PSD3: variants seen among roughly 807,000 people sequenced by gnomAD.
The protein encoded by PSD3 is pleckstrin and Sec7 domain containing 3, also known as PH and SEC7 domain-containing protein 3.
Under a neutral mutation model 105.5 loss-of-function variants are expected in PSD3, and 49 were observed. The observed-to-expected ratio is 0.46, with a 90% CI of 0.37 to 0.59. The LOEUF is 0.59. Ranked by LOEUF, PSD3 falls within the 20% of genes least tolerant of loss-of-function variation. The pLI is 0.00. For synonymous variants in PSD3, 557 were observed against 457.8 expected (o/e 1.22, Z -2.77); for missense variants, 1,561 against 1,263.8 (o/e 1.24, Z -3.57).
intron 11 of PSD3, among the ~76,000 whole-genome samples, chr8:18,617,161 C>T (rs181365323): frequency 1.3e-5 from 2 of 152,158 alleles, no homozygotes; most frequent in African/African-American, 4.8e-5. Flanking sequence ...ATGACCCCTA[C>T]AGTATAGAAC....
intron 9 of PSD3, among the ~76,000 whole-genome samples, chr8:18,763,237 T>C (rs368902308): frequency 2.0e-5 from 3 of 152,324 alleles, no homozygotes; most frequent in East Asian, 3.9e-4. Context: ...GCTTTTTTAA[T>C]ATTGAATCTA....
intron 10 of PSD3, among the ~76,000 whole-genome samples, chr8:18,649,720 G>A (rs1440519550): frequency 1.3e-5 from 2 of 152,214 alleles, no homozygotes; most frequent in African/African-American, 4.8e-5. Context: ...CCCCACTGTT[G>A]GAGGTGGGAT....
intron 10 of PSD3, among the ~76,000 whole-genome samples, chr8:18,653,860 T>A (rs1808699697): frequency 6.6e-6 from 1 of 152,234 alleles, no homozygotes; most frequent in South Asian, 2.1e-4. Context: ...CAATGTATTC[T>A]CTTGCCCAGA....
chr8:18,601,731 AAG>A (rs1242658352), intron 11 of PSD3, among the ~76,000 whole-genome samples: 1 of 152,254 alleles, frequency 6.6e-6, no homozygotes, highest in African/African-American at 2.4e-5. Flanking sequence ...TAAAGCAAAA[AAG>A]CAACTAAGAT....
chr8:18,586,827 C>T (rs969561373), intron 12 of PSD3, among the ~76,000 whole-genome samples: 1 of 152,050 alleles, frequency 6.6e-6, no homozygotes, highest in Non-Finnish European at 1.5e-5. Flanking sequence ...AACTGGAAGC[C>T]CTTGGACAGG....
At chr8:18,945,003 C>T (rs1268182779) in intron 1 of PSD3, among the ~76,000 whole-genome samples, 2 of 152,162 alleles carry the variant, frequency 1.3e-5, no homozygotes, top group Non-Finnish European at 2.9e-5. Flanking sequence ...AAGACCTCAA[C>T]ACTAGCTGTG....
intron 1 of PSD3, among the ~76,000 whole-genome samples, chr8:19,072,750 G>A (rs1829312340): frequency 6.6e-6 from 1 of 152,178 alleles, no homozygotes; most frequent in Admixed American, 6.5e-5. Context: ...TCAAAGCAGG[G>A]AGGCTCTCCA....
chr8:18,927,835 A>T (rs1404044494), intron 2 of PSD3, among the ~76,000 whole-genome samples: 1 of 152,220 alleles, frequency 6.6e-6, no homozygotes, highest in Non-Finnish European at 1.5e-5. Flanking sequence ...GGTGTATGCC[A>T]GGAAATGGGG....
chr8:18,933,954 T>C (rs1821910735), intron 2 of PSD3, among the ~76,000 whole-genome samples: 1 of 152,212 alleles, frequency 6.6e-6, no homozygotes, highest in African/African-American at 2.4e-5. Context: ...AAACACATTC[T>C]CCTCTAAATT....
intron 2 of PSD3, among the ~76,000 whole-genome samples, chr8:18,888,576 T>C (rs549966999): frequency 1.3e-5 from 2 of 152,246 alleles, no homozygotes; most frequent in African/African-American, 2.4e-5. Context: ...GCAACCAGTA[T>C]AGAATAAAAG....
chr8:19,032,265 A>C (rs202161412), intron 1 of PSD3, among the ~76,000 whole-genome samples: 2 of 36,296 alleles, frequency 5.5e-5, no homozygotes, highest in South Asian at 8.3e-4. Context: ...CCCCCCAACA[A>C]ACACACACAC....
intron 2 of PSD3, among the ~76,000 whole-genome samples, chr8:18,918,959 G>A (rs183730067): frequency 9.2e-5 from 14 of 151,988 alleles, no homozygotes; most frequent in African/African-American, 3.1e-4. Flanking sequence ...GCTAAAGACC[G>A]CCCTGAAACT....
At position 19,084,441 on chromosome 8, in the gene PSD3, C is replaced by CG. The variant is rs755525741; in HGVS notation, c.88dup (p.Arg30ProfsTer42). 30 of 455,954 alleles carry CG rather than the reference C, an allele frequency of 6.6e-5. No individual in the cohort carries two copies. Among genetic ancestry groups the CG allele is most frequent in the South Asian group, 4.3e-4 (28 of 64,552 alleles). 28.2% of individuals were successfully genotyped at this position (455,954 alleles called of 1,614,324 possible). On this transcript the variant is annotated frameshift_variant, in exon 1 of 2. Coordinates refer to the PSD3 transcript ENST00000521475. LOFTEE classifies it high-confidence loss of function. Reference sequence around the variant, plus strand: ...GGAGCATCCCAAGGCATCCCTGCATCGGGGGTCCATGCCCCACAGATCCTG... The same window carrying CG: ...GGAGCATCCCAAGGCATCCCTGCATCGGGGGGTCCATGCCCCACAGATCCTG...
intron 11 of PSD3, among the ~76,000 whole-genome samples, chr8:18,627,751 A>G (rs1806599301): frequency 6.6e-6 from 1 of 151,952 alleles, no homozygotes; most frequent in Non-Finnish European, 1.5e-5. Context: ...TAGCACCTGA[A>G]AAATGGAAAA....
chr8:18,729,153 C>T (rs78485524), intron 9 of PSD3, among the ~76,000 whole-genome samples: 1 of 152,136 alleles, frequency 6.6e-6, no homozygotes, highest in African/African-American at 2.4e-5. Context: ...ACTATAAGAA[C>T]CTTATGTCCC....
chr8:18,739,033 G>T (rs1804363934), intron 9 of PSD3, among the ~76,000 whole-genome samples: 1 of 152,126 alleles, frequency 6.6e-6, no homozygotes, highest in South Asian at 2.1e-4. Flanking sequence ...TTGGACTAAA[G>T]GCGGATTTCG....
At chr8:18,588,161 G>C (rs190408415) in intron 12 of PSD3, among the ~76,000 whole-genome samples, 2 of 152,166 alleles carry the variant, frequency 1.3e-5, no homozygotes, top group African/African-American at 2.4e-5. Context: ...ATTAACCTAA[G>C]AGGGAGTGGC....
At chr8:18,802,257 C>CA (rs1810762738) in intron 6 of PSD3, 1 of 246,722 alleles carries the variant, frequency 4.1e-6, no homozygotes, top group African/African-American at 2.2e-5. Flanking sequence ...GGAAGTGTAT[C>CA]AAAAACCACA....
In PSD3 at chr8:18,578,627, T is replaced by C. The variant is rs889377959; in HGVS notation, c.2482-3342A>G. On this transcript the variant is annotated intron_variant, in intron 12 of 15. Transcript: ENST00000327040. ...GCTATTACTATTGAATGACTTAGAC[T>C]GTCTCATTTGGAGCCACTATAAATA... Among the ~76,000 whole-genome samples the C allele has an allele frequency of 3.3e-5, 5 of 152,268 alleles. No homozygotes were observed. The East Asian group carries it at 5.8e-4, about 18-fold the overall frequency.
Sources: allele counts gnomAD v4.1 joint callset (sites outside exome capture counted in the v4.1 genomes callset), GRCh38; gene constraint gnomAD v4.1.1; transcripts MANE v1.5; gene names NCBI Gene and HGNC (gene_info 2026-07-23, HGNC 2026-07-21).